INPP4B: variants seen among roughly 807,000 people sequenced by gnomAD.
The protein encoded by INPP4B is inositol polyphosphate 4-phosphatase type II.
INPP4B carries 55 observed loss-of-function variants against 122.5 expected under a neutral mutation model. The observed-to-expected ratio is 0.45, with a 90% confidence interval of 0.36 to 0.56. The LOEUF is 0.56. Among genes scored for constraint, INPP4B ranks in the 20% least tolerant of loss-of-function variants. The pLI is 0.00. For missense variants in INPP4B, 1,000 were observed against 1,097.7 expected (o/e 0.91, Z 1.26); for synonymous variants, 403 against 388.7 (o/e 1.04, Z -0.43).
intron 1 of INPP4B, among the ~76,000 whole-genome samples, chr4:142,775,892 A>C (rs149886673): frequency 6.6e-4 from 101 of 152,240 alleles, no homozygotes; most frequent in African/African-American, 2.2e-3. Flanking sequence ...ATTTGGTAAG[A>C]GTTTTTATGA....
chr4:142,231,464 A>G (rs1194510263), intron 12 of INPP4B, among the ~76,000 whole-genome samples: 2 of 152,234 alleles, frequency 1.3e-5, no homozygotes, highest in East Asian at 3.9e-4. Flanking sequence ...TAATGTTATG[A>G]GTGGGATTTC....
chr4:142,076,712 G>A lies in INPP4B; in HGVS notation c.2642+5319C>T, dbSNP rs146545000. On this transcript the variant is annotated intron_variant, in intron 25 of 25. Coordinates refer to ENST00000262992, the MANE Select transcript of INPP4B (RefSeq NM_001101669.3). ...CATATGTAACAAACCTGCACGTTGT[G>A]CACATGTACCCTAAAACTTAAAGTA... is the stretch of plus-strand genomic sequence containing the variant. Among the ~76,000 whole-genome samples the A allele has an allele frequency of 2.2e-3, 329 of 152,080 alleles. 1 individual carries two copies. Among genetic ancestry groups the A allele is most frequent in the African/African-American group, 7.3e-3 (302 of 41,512 alleles).
At chr4:142,470,929 C>T (rs1818704324) in intron 2 of INPP4B, among the ~76,000 whole-genome samples, 1 of 152,072 alleles carries the variant, frequency 6.6e-6, no homozygotes, top group Non-Finnish European at 1.5e-5. Context: ...GAATAAATTG[C>T]ATTAACTAAT....
intron 2 of INPP4B, among the ~76,000 whole-genome samples, chr4:142,676,321 C>T (rs1008107023): frequency 1.3e-5 from 2 of 152,088 alleles, no homozygotes; most frequent in African/African-American, 4.8e-5. Context: ...GAACTACAAA[C>T]CACTGCTCAA....
chr4:142,564,059 C>T (rs1331327847), intron 2 of INPP4B, among the ~76,000 whole-genome samples: 1 of 152,192 alleles, frequency 6.6e-6, no homozygotes. Flanking sequence ...TGATTTCTCA[C>T]ACAACAAAAG....
chr4:142,579,031 A>C (rs1256685017), intron 2 of INPP4B, among the ~76,000 whole-genome samples: 1 of 152,030 alleles, frequency 6.6e-6, no homozygotes, highest in African/African-American at 2.4e-5. Flanking sequence ...CCATAACCAC[A>C]ATTTTGCTAA....
intron 1 of INPP4B, among the ~76,000 whole-genome samples, chr4:142,779,098 T>C (rs1181770141): frequency 6.6e-6 from 1 of 152,066 alleles, no homozygotes; most frequent in Non-Finnish European, 1.5e-5. Context: ...CTCTGATTTT[T>C]AGGTGACTCA....
At chr4:142,251,049 T>A (rs1731758799) in intron 11 of INPP4B, among the ~76,000 whole-genome samples, 1 of 152,156 alleles carries the variant, frequency 6.6e-6, no homozygotes, top group Admixed American at 6.6e-5. Flanking sequence ...CCTTACAGAG[T>A]TTATGGCACA....
intron 2 of INPP4B, among the ~76,000 whole-genome samples, chr4:142,521,422 C>G (rs927285229): frequency 1.3e-5 from 2 of 151,816 alleles, no homozygotes; most frequent in Non-Finnish European, 2.9e-5. Context: ...TTATTTCAAC[C>G]CATGAAAAAC....
intron 2 of INPP4B, among the ~76,000 whole-genome samples, chr4:142,708,356 T>C (rs924995138): frequency 6.6e-6 from 1 of 152,100 alleles, no homozygotes; most frequent in African/African-American, 2.4e-5. Context: ...TAGGTAAAGA[T>C]GGAATGTTAA....
intron 2 of INPP4B, among the ~76,000 whole-genome samples, chr4:142,688,442 A>G (rs953360403): frequency 3.3e-5 from 5 of 152,054 alleles, no homozygotes; most frequent in African/African-American, 1.2e-4. Context: ...TCTGGAAAAC[A>G]TTTATCTTTC....
chr4:142,773,002 C>A lies in INPP4B; in HGVS notation c.-253-47101G>T, dbSNP rs138729560. Among the ~76,000 whole-genome samples the A allele has an allele frequency of 9.2e-5, 14 of 152,040 alleles. No individual in the cohort carries two copies. In the East Asian group the frequency reaches 2.7e-3, roughly 29 times the overall value. ...CAGAGGTTGCAGTGAGCTGAGATTG[C>A]ACCACTACACTCCAGCCTGGGTGAC... On this transcript the variant is annotated intron_variant, in intron 1 of 25. Coordinates refer to ENST00000262992, the MANE Select transcript of INPP4B (RefSeq NM_001101669.3).
At chr4:142,325,110 G>T (rs561599168) in intron 7 of INPP4B, among the ~76,000 whole-genome samples, 3 of 152,202 alleles carry the variant, frequency 2.0e-5, no homozygotes, top group African/African-American at 4.8e-5. Flanking sequence ...TAGCTTAACG[G>T]TGCTTTCAAA....
At chr4:142,507,390 T>C (rs1824163905) in intron 2 of INPP4B, among the ~76,000 whole-genome samples, 1 of 152,088 alleles carries the variant, frequency 6.6e-6, no homozygotes, top group African/African-American at 2.4e-5. Flanking sequence ...GGTGGATAAA[T>C]CCAGAAAACG....
At chr4:142,395,370 G>C (rs774655972) in intron 7 of INPP4B, among the ~76,000 whole-genome samples, 1 of 152,180 alleles carries the variant, frequency 6.6e-6, no homozygotes, top group African/African-American at 2.4e-5. Flanking sequence ...GCTAGAGACT[G>C]TTACCCGCAT....
intron 2 of INPP4B, among the ~76,000 whole-genome samples, chr4:142,556,334 G>C (rs1353684117): frequency 6.6e-6 from 1 of 152,130 alleles, no homozygotes; most frequent in Non-Finnish European, 1.5e-5. Flanking sequence ...TGGTAACGAA[G>C]GTAAGTCATT....
intron 2 of INPP4B, among the ~76,000 whole-genome samples, chr4:142,689,944 G>A (rs974124147): frequency 2.0e-5 from 3 of 152,128 alleles, no homozygotes; most frequent in Admixed American, 6.6e-5. Context: ...ATCTTGCAAC[G>A]TAGATAGATC....
chr4:142,278,525 G>T (rs927030571), intron 9 of INPP4B, among the ~76,000 whole-genome samples: 3 of 151,860 alleles, frequency 2.0e-5, no homozygotes, highest in Non-Finnish European at 4.4e-5. Context: ...GGCTCACAGG[G>T]ACCTAAAACT....
intron 12 of INPP4B, among the ~76,000 whole-genome samples, chr4:142,220,058 T>A (rs1400584268): frequency 6.6e-6 from 1 of 152,240 alleles, no homozygotes; most frequent in African/African-American, 2.4e-5. Flanking sequence ...CATCAATGAA[T>A]GTTCTTTTGG....
Sources: gnomAD v4.1 joint callset for allele counts (sites outside exome capture counted in the v4.1 genomes callset) on GRCh38, gnomAD v4.1.1 for gene constraint, MANE v1.5 for transcripts, NCBI Gene and HGNC (gene_info 2026-07-23, HGNC 2026-07-21) for gene names.